The following OSCP1 variants were observed in gnomAD, a reference collection of about 807,000 sequenced individuals.
OSCP1 encodes organic solute carrier partner 1.
In OSCP1, 35 loss-of-function variants were observed where a neutral mutation model predicts 45.1. That is an observed-to-expected ratio of 0.78 (90% CI 0.59 to 1.03). The LOEUF (loss-of-function observed/expected upper bound fraction) is 1.03, where lower values mean the gene tolerates loss of function less well. Ranked by LOEUF, OSCP1 falls within the 50% of genes least tolerant of loss-of-function variation. The pLI, the probability that OSCP1 is intolerant of heterozygous loss-of-function variation, is 0.00. For missense variants in OSCP1, 400 were observed against 470.7 expected, an observed-to-expected ratio of 0.85 and a Z score of 1.39; for synonymous variants, 179 against 180.1, an observed-to-expected ratio of 0.99 and a Z score of 0.05.
chr1:36,420,478 CTCT>C lies in OSCP1; in HGVS notation c.954_956del (p.Glu320del). Reference sequence around the variant, plus strand: ...AACGAAACAGGTTTAAAACATACTCCTCTTCTTCATCGGTGGTAAAGAGATTCA... The same window carrying C: ...AACGAAACAGGTTTAAAACATACTCCTCTTCATCGGTGGTAAAGAGATTCA... On this transcript the variant is annotated inframe_deletion, in exon 8 of 10. Transcript: ENST00000235532. 2 of 1,613,434 alleles carry C rather than the reference CTCT, an allele frequency of 1.2e-6. No homozygotes were observed. Among genetic ancestry groups the C allele is most frequent in the Non-Finnish European group, 1.7e-6 (2 of 1,179,810 alleles).
At chr1:36,440,952 A>T (rs925433776) in intron 1 of OSCP1, 1 of 152,224 alleles carries the variant, frequency 6.6e-6, no homozygotes, top group Non-Finnish European at 1.5e-5. Context: ...TTGAGCCCTT[A>T]TTAGGAGCTA....
intron 7 of OSCP1, among the ~76,000 whole-genome samples, chr1:36,421,029 C>G (rs904621365): frequency 6.6e-5 from 10 of 152,064 alleles, no homozygotes; most frequent in African/African-American, 2.2e-4. Flanking sequence ...ACCCTCGAGT[C>G]CATTCCCTCC....
chr1:36,435,806 G>C (rs958870030), intron 2 of OSCP1, among the ~76,000 whole-genome samples: 1 of 151,858 alleles, frequency 6.6e-6, no homozygotes, highest in Non-Finnish European at 1.5e-5. Context: ...CTAATTTTTT[G>C]TATTTTTAGT....
chr1:36,424,100 G>A (rs1557548720), intron 4 of OSCP1, among the ~76,000 whole-genome samples: 1 of 151,990 alleles, frequency 6.6e-6, no homozygotes, highest in Non-Finnish European at 1.5e-5. Flanking sequence ...GTGAGCCACT[G>A]TGCCCAGCTA....
intron 2 of OSCP1, among the ~76,000 whole-genome samples, chr1:36,435,106 T>C (rs1648634346): frequency 6.9e-6 from 1 of 145,364 alleles, no homozygotes; most frequent in South Asian, 2.2e-4. Flanking sequence ...TTTTTTTTTT[T>C]TTTTTGACAT....
Position 36,423,480 on chromosome 1 carries a change from C to T in OSCP1, c.517-14G>A, listed in dbSNP as rs766104861. ...AAACATGGATACCTGGAAAAAAATA[C>T]ATTTATTGTCATTTTTCTTGGTATA... On this transcript the variant is annotated splice_polypyrimidine_tract_variant and intron_variant, in intron 4 of 9. Transcript: ENST00000235532. 20 of 1,556,354 alleles carry T rather than the reference C, an allele frequency of 1.3e-5. No homozygotes were observed. In the Middle Eastern group the frequency reaches 5.0e-4, roughly 39 times the overall value.
intron 4 of OSCP1, among the ~76,000 whole-genome samples, chr1:36,429,535 AT>A (rs200043573): frequency 2.0e-4 from 20 of 100,320 alleles, no homozygotes; most frequent in South Asian, 3.8e-4. Flanking sequence ...GAAGCTTAGA[AT>A]TTTTTTTTTT....
In OSCP1 at chr1:36,420,332, A is replaced by G. The variant is rs1647542461; in HGVS notation, c.959+144T>C. The G allele has an allele frequency of 2.9e-6, 3 of 1,044,512 alleles. No individual in the cohort carries two copies. In the African/African-American group the frequency reaches 4.9e-5, roughly 17 times the overall value. The allele number at this position is 1,044,512 out of a possible 1,614,324, so 64.7% of individuals were successfully genotyped here. A position where few individuals can be genotyped will look rare whatever the true frequency, so the allele number is the denominator to read the frequency against. On this transcript the variant is annotated intron_variant, in intron 8 of 9. Coordinates refer to ENST00000235532, the MANE Select transcript of OSCP1 (RefSeq NM_145047.5). ...TCAGGCCATTTCATCCTGGTGGGCTATTTAGATTATTAAATTTGTTGGTAT... is the reference window on the plus strand; with the variant it reads ...TCAGGCCATTTCATCCTGGTGGGCTGTTTAGATTATTAAATTTGTTGGTAT...
At chr1:36,438,660 C>T (rs1648918853) in intron 2 of OSCP1, 96 bp downstream of exon 2, 1 of 1,390,304 alleles carries the variant, frequency 7.2e-7, no homozygotes, top group Admixed American at 2.3e-5. Context: ...CTTGCAAGGA[C>T]CATTGCATAC....
In OSCP1 at chr1:36,435,331, G is replaced by C. The variant is rs542239442; in HGVS notation, c.268-2742C>G. On this transcript the variant is annotated intron_variant, in intron 2 of 9. Transcript: ENST00000235532. Reference sequence around the variant, plus strand: ...TTTTTTAATATGTTAAAAAATATTAGAGACGGGTTTTTGCTATGTTGCCCA... The same window carrying C: ...TTTTTTAATATGTTAAAAAATATTACAGACGGGTTTTTGCTATGTTGCCCA... Among the ~76,000 whole-genome samples, 35 of 151,644 alleles carry C rather than the reference G, an allele frequency of 2.3e-4. No homozygotes were observed. In the East Asian group the frequency reaches 6.4e-3, roughly 28 times the overall value.
chr1:36,444,134 A>T, intron 1 of OSCP1: 1 of 1,392,164 alleles, frequency 7.2e-7, no homozygotes, highest in Non-Finnish European at 1.0e-6. Flanking sequence ...TATCTATGAA[A>T]CTTTACTTTT....
At chr1:36,432,709 C>G (rs1468051722) in intron 2 of OSCP1, 120 bp from the exon 3 acceptor site, 2 of 1,132,402 alleles carry the variant, frequency 1.8e-6, no homozygotes, top group South Asian at 1.3e-5. Context: ...CCATACAGCT[C>G]GGGGGACCAT....
intron 7 of OSCP1, among the ~76,000 whole-genome samples, chr1:36,421,055 C>T (rs1029023185): frequency 6.6e-6 from 1 of 152,080 alleles, no homozygotes; most frequent in African/African-American, 2.4e-5. Context: ...CAGTCCTCAT[C>T]CTGCCTCATC....
chr1:36,420,534 G>A lies in OSCP1; in HGVS notation c.901C>T (p.Pro301Ser). The change falls in exon 8 of 10, where the codon CCC (proline) becomes TCC (serine). Residue 301 changes from proline (P) to serine (S), a missense_variant. By Grantham distance (74) the Pro-to-Ser change is moderately conservative. Coordinates refer to ENST00000235532, the MANE Select transcript of OSCP1 (RefSeq NM_145047.5). ...CGGAATCCGGGCTCAGGGCCACTGG[G>A]TTTCTTAATCTCCATCCCTCCCATC... is the stretch of plus-strand genomic sequence containing the variant. ...RLMGGMEIKK[P>S]SGPEPGFRLN... 1 of 1,614,022 alleles carries A rather than the reference G, an allele frequency of 6.2e-7. No homozygotes were observed.
intron 4 of OSCP1, chr1:36,428,573 C>G: frequency 7.2e-7 from 1 of 1,397,986 alleles, no homozygotes; most frequent in Non-Finnish European, 9.5e-7. Flanking sequence ...GATGAAGAAA[C>G]TAAGACTTAA....
At position 36,423,368 on chromosome 1, in the gene OSCP1, G is replaced by A; in HGVS notation, c.615C>T (p.Leu205=). ...GATCATTGTTGGGAATTCACCTGAT[G>A]AGTCCTGGAACTTCAGTTCCCCAAG... ...PVPWGTEVPG[L]IRMFNNKGEE... The change falls in exon 5 of 10, where the codon CTC becomes CTT. Residue 205 remains leucine, a synonymous_variant. Coordinates refer to ENST00000235532, the MANE Select transcript of OSCP1 (RefSeq NM_145047.5). 6.2e-7 allele frequency: 1 copy of A among 1,604,366 alleles called. No individual in the cohort carries two copies. Among genetic ancestry groups the A allele is most frequent in the Non-Finnish European group, 8.5e-7 (1 of 1,171,250 alleles).
rs559658870 is a variant in OSCP1 at position 36,445,678 on chromosome 1, A to G, written c.112+4580T>C. Among the ~76,000 whole-genome samples, 14 of 152,326 alleles carry G rather than the reference A, an allele frequency of 9.2e-5. No homozygotes were observed. In the South Asian group the frequency reaches 2.9e-3, roughly 32 times the overall value. On this transcript the variant is annotated intron_variant, in intron 1 of 9. Transcript: ENST00000235532. Reference sequence around the variant, plus strand: ...GGCAGATACTGTTTTCTTTGGCACAATGTCCACATCTATCTTTCTGTGGCA... The same window carrying G: ...GGCAGATACTGTTTTCTTTGGCACAGTGTCCACATCTATCTTTCTGTGGCA...
intron 1 of OSCP1, 156 bp from the exon 2 acceptor site, chr1:36,439,066 T>C (rs982110444): frequency 2.2e-5 from 15 of 668,044 alleles, no homozygotes; most frequent in Non-Finnish European, 3.5e-5. Context: ...ACCACACAGG[T>C]GTCCCGGTAG....
chr1:36,444,108 C>G, intron 1 of OSCP1: 1 of 1,487,724 alleles, frequency 6.7e-7, no homozygotes, highest in Non-Finnish European at 9.4e-7. Flanking sequence ...TTTAAACATA[C>G]CAATTCCAAT....
Sources: gnomAD v4.1 joint callset for allele counts (sites outside exome capture counted in the v4.1 genomes callset) on GRCh38, gnomAD v4.1.1 for gene constraint, MANE v1.5 for transcripts, NCBI Gene and HGNC (gene_info 2026-07-23, HGNC 2026-07-21) for gene names.